The following KIF26B variants were observed in gnomAD, a reference collection of about 807,000 sequenced individuals.
KIF26B encodes the protein kinesin-like protein KIF26B.
In KIF26B, 63 loss-of-function variants were observed where a neutral mutation model predicts 151.2. That is an observed-to-expected ratio of 0.42 (90% CI 0.34 to 0.51). The LOEUF is 0.51. Ranked by LOEUF, KIF26B falls within the 20% of genes least tolerant of loss-of-function variation. KIF26B has a pLI of 0.07. For synonymous variants in KIF26B, 1,357 were observed against 1,262.1 expected (o/e 1.08, Z -1.59); for missense variants, 2,813 against 2,913.6 (o/e 0.97, Z 0.79).
intron 2 of KIF26B, among the ~76,000 whole-genome samples, chr1:245,293,040 C>T (rs1413010393): frequency 6.6e-6 from 1 of 152,152 alleles, no homozygotes; most frequent in Non-Finnish European, 1.5e-5. Flanking sequence ...TGTTTAATAA[C>T]TGTGCCACAA....
chr1:245,420,876 G>A (rs1768106), intron 4 of KIF26B, among the ~76,000 whole-genome samples: 4,288 of 152,260 alleles, frequency 0.028, 218 homozygotes, highest in African/African-American at 0.097. Flanking sequence ...TTAGGACAGC[G>A]GCAAGGCAGA....
chr1:245,301,095 T>G (rs1671421968), intron 2 of KIF26B, among the ~76,000 whole-genome samples: 1 of 152,196 alleles, frequency 6.6e-6, no homozygotes, highest in South Asian at 2.1e-4. Flanking sequence ...CCTCCTGAAG[T>G]GCTGGGATTA....
rs551366555 is a variant in KIF26B at position 245,341,315 on chromosome 1, T to G, written c.466-25519T>G. On this transcript the variant is annotated intron_variant, in intron 2 of 14. Coordinates refer to ENST00000407071, the MANE Select transcript of KIF26B (RefSeq NM_018012.4). ...TTAAAAAGATGCAGTTTTTTTTTTT[T>G]TTTTTTTTTTTTTTTTTTTTTTTGA... Among the ~76,000 whole-genome samples the G allele has an allele frequency of 3.9e-4, 27 of 69,596 alleles. No homozygotes were observed. The East Asian group carries it at 6.2e-3, about 16-fold the overall frequency. The allele number at this position is 69,596 out of a possible 152,430, so 45.7% of individuals were successfully genotyped here.
At position 245,607,708 on chromosome 1, in the gene KIF26B, G is replaced by C. The variant is rs1408675486; in HGVS notation, c.1615G>C (p.Asp539His). The change falls in exon 7 of 15, where the codon GAT becomes CAT. Residue 539 changes from aspartate to histidine, a missense_variant. This residue lies in a region of KIF26B where 77 missense variants were observed against 136.9 expected (regional missense o/e 0.56). Transcript: ENST00000407071. ...GATCCAGTCTGTGGTCAACGGGGCAGATGGCTGCGTGTTCTGTTTCGGCCA... is the reference window on the plus strand; with the variant it reads ...GATCCAGTCTGTGGTCAACGGGGCACATGGCTGCGTGTTCTGTTTCGGCCA... Reference protein sequence around the residue: ...EVIQSVVNGADGCVFCFGHAK... With the variant: ...EVIQSVVNGAHGCVFCFGHAK... 1 of 1,613,310 alleles carries C rather than the reference G, an allele frequency of 6.2e-7. No individual in the cohort carries two copies. Among genetic ancestry groups the C allele is most frequent in the South Asian group, 1.1e-5 (1 of 90,740 alleles).
intron 5 of KIF26B, among the ~76,000 whole-genome samples, chr1:245,569,201 C>T (rs976268265): frequency 1.3e-5 from 2 of 152,136 alleles, no homozygotes; most frequent in African/African-American, 4.8e-5. Context: ...TGTTCTCCTT[C>T]TTTCTCTTTG....
intron 5 of KIF26B, among the ~76,000 whole-genome samples, chr1:245,562,094 C>T (rs139458900): frequency 6.6e-6 from 1 of 152,134 alleles, no homozygotes; most frequent in Non-Finnish European, 1.5e-5. Flanking sequence ...TACTCGTCCT[C>T]CAGCCGTACT....
chr1:245,378,687 A>G (rs1028394025), intron 3 of KIF26B, among the ~76,000 whole-genome samples: 1 of 152,198 alleles, frequency 6.6e-6, no homozygotes, highest in African/African-American at 2.4e-5. Context: ...TTTAATGACA[A>G]AGAAAACAGA....
chr1:245,413,970 G>A (rs1364824480), intron 3 of KIF26B, among the ~76,000 whole-genome samples: 1 of 152,196 alleles, frequency 6.6e-6, no homozygotes, highest in African/African-American at 2.4e-5. Flanking sequence ...TTTGGTGAAA[G>A]GGTTGAATTG....
intron 9 of KIF26B, among the ~76,000 whole-genome samples, chr1:245,621,798 A>AT (rs1337800293): frequency 6.6e-6 from 1 of 152,270 alleles, no homozygotes; most frequent in Non-Finnish European, 1.5e-5. Context: ...CATGTGTGAA[A>AT]TTCACAATTC....
intron 4 of KIF26B, among the ~76,000 whole-genome samples, chr1:245,437,302 C>T (rs1658959943): frequency 6.6e-6 from 1 of 152,192 alleles, no homozygotes; most frequent in South Asian, 2.1e-4. Context: ...CTTTGTTCCT[C>T]AGTGTCCCCA....
chr1:245,460,587 A>G (rs1451019199), intron 4 of KIF26B, among the ~76,000 whole-genome samples: 2 of 152,260 alleles, frequency 1.3e-5, no homozygotes, highest in African/African-American at 4.8e-5. Flanking sequence ...GAAAGATTTC[A>G]GAGATGTCAG....
intron 7 of KIF26B, 108 bp from the exon 8 acceptor site, chr1:245,609,158 C>T: frequency 1.9e-6 from 2 of 1,038,012 alleles, no homozygotes; most frequent in Non-Finnish European, 2.7e-6. Flanking sequence ...TTCCCTTTTC[C>T]CCCCTTCCCT....
At chr1:245,556,285 T>TCCTCCCC in intron 5 of KIF26B, among the ~76,000 whole-genome samples, 1 of 141,688 alleles carries the variant, frequency 7.1e-6, no homozygotes, top group Non-Finnish European at 1.5e-5. Context: ...TTCTTCTTCT[T>TCCTCCCC]CCTCCTCCTT....
At chr1:245,240,186 G>A (rs564255930) in intron 2 of KIF26B, among the ~76,000 whole-genome samples, 17 of 152,078 alleles carry the variant, frequency 1.1e-4, no homozygotes, top group Middle Eastern at 3.4e-3. Flanking sequence ...GTCATTTCCC[G>A]TGAAAACCAC....
chr1:245,653,881 G>C, intron 10 of KIF26B, among the ~76,000 whole-genome samples: 1 of 139,042 alleles, frequency 7.2e-6, no homozygotes, highest in Admixed American at 7.6e-5. Flanking sequence ...ACAACATAAG[G>C]AGACCTCGTC....
At chr1:245,520,373 G>A (rs10924230) in intron 4 of KIF26B, among the ~76,000 whole-genome samples, 36,263 of 152,106 alleles carry the variant, frequency 0.24, 5,237 homozygotes, top group East Asian at 0.46. Context: ...TAATGATAAT[G>A]TGGAACAATT....
intron 4 of KIF26B, among the ~76,000 whole-genome samples, chr1:245,534,901 G>A (rs1661455778): frequency 6.6e-6 from 1 of 151,652 alleles, no homozygotes; most frequent in Non-Finnish European, 1.5e-5. Flanking sequence ...TCCCACCTCA[G>A]CCACCCGAGT....
chr1:245,679,966 AC>A (rs1183544934), intron 10 of KIF26B, among the ~76,000 whole-genome samples: 1 of 150,902 alleles, frequency 6.6e-6, no homozygotes, highest in Non-Finnish European at 1.5e-5. Flanking sequence ...TCCAGGCACC[AC>A]CTCCCTCCAT....
intron 9 of KIF26B, among the ~76,000 whole-genome samples, chr1:245,632,572 A>T (rs1179279112): frequency 6.6e-6 from 1 of 152,132 alleles, no homozygotes; most frequent in Admixed American, 6.6e-5. Context: ...ATGTTTCTTT[A>T]TTGATTTTCT....
Sources: allele counts gnomAD v4.1 joint callset (sites outside exome capture counted in the v4.1 genomes callset), GRCh38; gene constraint gnomAD v4.1.1; regional missense constraint gnomAD v4.1.1; transcripts MANE v1.5; gene names NCBI Gene and HGNC (gene_info 2026-07-23, HGNC 2026-07-21).